GAB2: variants seen among roughly 807,000 people sequenced by gnomAD.
GAB2 encodes the protein GRB2-associated-binding protein 2.
Under a neutral mutation model 65.5 loss-of-function variants are expected in GAB2, and 26 were observed. That is an observed-to-expected ratio of 0.40 (90% CI 0.29 to 0.55). GAB2 has a LOEUF of 0.55. GAB2 is among the 20% of genes least tolerant of loss of function. The pLI is 0.53. For synonymous variants in GAB2, 321 were observed against 329.6 expected, an observed-to-expected ratio of 0.97 and a Z score of 0.28; for missense variants, 884 against 875.8, an observed-to-expected ratio of 1.01 and a Z score of -0.12.
rs559114411 is a variant in GAB2 at position 78,325,920 on chromosome 11, T to C, written c.76-45019A>G. On this transcript the variant is annotated intron_variant, in intron 1 of 9. Transcript: ENST00000361507. The stretch of plus-strand genomic sequence containing the variant: ...ATTTTTGTTCATTTCTTTTTAAACA[T>C]TGTATTTTTTAACAATATGGCTCAA... Among the ~76,000 whole-genome samples the C allele has an allele frequency of 4.2e-4, 64 of 152,306 alleles. No individual in the cohort carries two copies. The Middle Eastern group carries it at 0.01, about 24-fold the overall frequency.
chr11:78,356,783 T>C (rs1856364902), intron 1 of GAB2, among the ~76,000 whole-genome samples: 1 of 152,192 alleles, frequency 6.6e-6, no homozygotes, highest in South Asian at 2.1e-4. Context: ...GATTAAAAAA[T>C]GTGGTTTATA....
intron 1 of GAB2, among the ~76,000 whole-genome samples, chr11:78,318,729 GT>G (rs2134658188): frequency 6.6e-6 from 1 of 152,236 alleles, no homozygotes; most frequent in East Asian, 1.9e-4. Flanking sequence ...AATTCTGAAT[GT>G]CCCCAGGTCC....
chr11:78,340,217 A>G (rs1369594742), intron 1 of GAB2, among the ~76,000 whole-genome samples: 1 of 152,188 alleles, frequency 6.6e-6, no homozygotes, highest in African/African-American at 2.4e-5. Context: ...ATACCATCAT[A>G]TTCTAAAAGC....
intron 2 of GAB2, among the ~76,000 whole-genome samples, chr11:78,268,159 C>T (rs1162377670): frequency 6.6e-6 from 1 of 152,092 alleles, no homozygotes; most frequent in Non-Finnish European, 1.5e-5. Context: ...GGCTCCCTCT[C>T]AATTGTTTCA....
chr11:78,377,748 A>C (rs1856649159), intron 1 of GAB2, among the ~76,000 whole-genome samples: 1 of 152,206 alleles, frequency 6.6e-6, no homozygotes, highest in Non-Finnish European at 1.5e-5. Flanking sequence ...CAATCGGCTC[A>C]TACCTGCAAA....
At chr11:78,266,631 C>T (rs866469072) in intron 2 of GAB2, among the ~76,000 whole-genome samples, 3 of 152,266 alleles carry the variant, frequency 2.0e-5, no homozygotes, top group Middle Eastern at 3.4e-3. Flanking sequence ...TATCTTGGCA[C>T]GGAGCCAGGC....
chr11:78,392,358 T>TC (rs1856845130), intron 1 of GAB2: 1 of 152,248 alleles, frequency 6.6e-6, no homozygotes, highest in Non-Finnish European at 1.5e-5. Context: ...TTGATTGTTA[T>TC]CTATTTTATC....
chr11:78,358,093 C>T (rs1856383585), intron 1 of GAB2, among the ~76,000 whole-genome samples: 1 of 151,850 alleles, frequency 6.6e-6, no homozygotes, highest in Admixed American at 6.6e-5. Flanking sequence ...GGCACATATA[C>T]ACCATGGAAT....
chr11:78,250,257 G>T lies in GAB2; in HGVS notation c.520C>A (p.Pro174Thr), dbSNP rs764199822. The T allele has an allele frequency of 2.5e-6, 4 of 1,613,562 alleles. No individual in the cohort carries two copies. The Admixed American group carries it at 6.7e-5, about 27-fold the overall frequency. ...SSQPTLFTFE[P>T]PVSNHMQPTL... The stretch of plus-strand genomic sequence containing the variant: ...GGCTGCATGTGGTTTGACACAGGGG[G>T]TTCAAACGTGAACAGAGTTGGCTGG... The change falls in exon 3 of 10, where the codon CCC becomes ACC. Residue 174 changes from proline (P) to threonine (T), a missense_variant. By Grantham distance (38) the Pro-to-Thr change is conservative. Coordinates refer to ENST00000361507, the MANE Select transcript of GAB2 (RefSeq NM_080491.3).
chr11:78,312,853 T>C (rs1855529642), intron 1 of GAB2, among the ~76,000 whole-genome samples: 1 of 152,174 alleles, frequency 6.6e-6, no homozygotes, highest in Non-Finnish European at 1.5e-5. Context: ...CTCTTTTTGC[T>C]CACCAAGACC....
At chr11:78,274,477 G>A (rs1866111065) in intron 2 of GAB2, among the ~76,000 whole-genome samples, 1 of 152,208 alleles carries the variant, frequency 6.6e-6, no homozygotes, top group Admixed American at 6.5e-5. Context: ...TTGAGGTGCT[G>A]CCAGTGGGTT....
In GAB2 at chr11:78,275,272, C is replaced by T. The variant is rs558611763; in HGVS notation, c.376+5329G>A. Among the ~76,000 whole-genome samples the T allele has an allele frequency of 2.9e-3, 440 of 151,930 alleles. 1 individual carries two copies. The highest frequency in any genetic ancestry group is 9.2e-3 in the African/African-American group (379 of 41,404). The stretch of plus-strand genomic sequence containing the variant: ...GGTAGACGGAGAAGATTTTTAGCCC[C>T]GGGGAGTTATAAAAGTGCTAGGCAG... On this transcript the variant is annotated intron_variant, in intron 2 of 9. Coordinates refer to ENST00000361507, the MANE Select transcript of GAB2 (RefSeq NM_080491.3).
chr11:78,403,799 C>T (rs1857005144), intron 1 of GAB2, among the ~76,000 whole-genome samples: 1 of 152,144 alleles, frequency 6.6e-6, no homozygotes, highest in Admixed American at 6.5e-5. Flanking sequence ...CATGAAGAAA[C>T]AACTCACAGA....
intron 3 of GAB2, among the ~76,000 whole-genome samples, chr11:78,248,076 T>C (rs1301608751): frequency 1.3e-5 from 2 of 152,140 alleles, no homozygotes; most frequent in Non-Finnish European, 2.9e-5. Context: ...GTGAGCTCCA[T>C]CATCAAATAA....
intron 2 of GAB2, among the ~76,000 whole-genome samples, chr11:78,261,989 C>A (rs528038144): frequency 6.6e-6 from 1 of 152,324 alleles, no homozygotes; most frequent in East Asian, 1.9e-4. Flanking sequence ...GCTTTTCCCT[C>A]CTTTCACAGT....
rs1306428167 is a variant in GAB2 at position 78,299,835 on chromosome 11, C to T, written c.76-18934G>A. ...ATTCCCATACAGAGACTTCCTTAGC[C>T]TCTCTAGGAGCTATTGGAAAGGCTT... On this transcript the variant is annotated intron_variant, in intron 1 of 9. Transcript: ENST00000361507. 2.0e-5 allele frequency among the ~76,000 whole-genome samples: 3 copies of T among 152,302 alleles called. No individual in the cohort carries two copies. In the East Asian group the frequency reaches 5.8e-4, roughly 29 times the overall value.
chr11:78,333,589 AG>A (rs1855951004), intron 1 of GAB2, among the ~76,000 whole-genome samples: 2 of 152,306 alleles, frequency 1.3e-5, no homozygotes, highest in South Asian at 4.1e-4. Flanking sequence ...TTTTATACAC[AG>A]TGGGAGCCAG....
Position 78,342,815 on chromosome 11 carries a change from T to C in GAB2, c.76-61914A>G, listed in dbSNP as rs535429756. Among the ~76,000 whole-genome samples the C allele has an allele frequency of 2.0e-5, 3 of 152,332 alleles. No individual in the cohort carries two copies. The East Asian group carries it at 5.8e-4, about 29-fold the overall frequency. On this transcript the variant is annotated intron_variant, in intron 1 of 9. Transcript: ENST00000361507. ...TCATTTAGACATCCTCCATAGTTCCTAGTACAGAACATGTATTTAGTACAA... is the reference window on the plus strand; with the variant it reads ...TCATTTAGACATCCTCCATAGTTCCCAGTACAGAACATGTATTTAGTACAA...
intron 1 of GAB2, among the ~76,000 whole-genome samples, chr11:78,282,366 G>T (rs1866359343): frequency 6.6e-6 from 1 of 151,810 alleles, no homozygotes. Context: ...GAGTGCAGTG[G>T]CATGATCTTG....
Sources: allele counts gnomAD v4.1 joint callset (sites outside exome capture counted in the v4.1 genomes callset), GRCh38; gene constraint gnomAD v4.1.1; transcripts MANE v1.5; gene names NCBI Gene and HGNC (gene_info 2026-07-23, HGNC 2026-07-21).